Variants in SMIM23 observed in about 807,000 individuals in gnomAD.
The protein encoded by SMIM23 is small integral membrane protein 23.
SMIM23 carries 10 observed loss-of-function variants against 12.8 expected under a neutral mutation model. The observed-to-expected ratio is 0.78, with a 90% CI of 0.48 to 1.32. SMIM23 has a LOEUF of 1.32. Among genes scored for constraint, SMIM23 ranks in the 40% most tolerant of loss-of-function variants. The pLI is 0.00. For synonymous variants in SMIM23, 78 were observed against 80.1 expected (o/e 0.97, Z 0.14); for missense variants, 184 against 198.2 (o/e 0.93, Z 0.43).
the SMIM23 span, among the ~76,000 whole-genome samples, chr5:171,776,907 G>A: frequency 1.3e-5 from 2 of 152,178 alleles, no homozygotes; most frequent in Non-Finnish European, 2.9e-5. Context: ...GTCATGGGCG[G>A]AAGGGCCCAG....
At chr5:171,773,775 G>A in the SMIM23 span, 1 of 456,334 alleles carries the variant, frequency 2.2e-6, no homozygotes, top group Non-Finnish European at 4.4e-6. Flanking sequence ...ATAGGTCATT[G>A]TGGCCAGATC....
upstream of SMIM23, chr5:171,782,655 T>C (rs1755748805): frequency 6.6e-6 from 1 of 152,228 alleles, no homozygotes; most frequent in Non-Finnish European, 1.5e-5. Flanking sequence ...CGGCAAATAT[T>C]TACTGAGCCA....
At chr5:171,781,544 C>CG (rs201233573), upstream of SMIM23, among the ~76,000 whole-genome samples, 10,023 of 152,124 alleles carry the variant, frequency 0.066, 838 homozygotes, top group African/African-American at 0.19. Flanking sequence ...AGTGCCCCCC[C>CG]CCGTCTCTAG....
upstream of SMIM23, among the ~76,000 whole-genome samples, chr5:171,778,288 C>G (rs1268848530): frequency 6.6e-6 from 1 of 150,792 alleles, no homozygotes; most frequent in African/African-American, 2.4e-5. Flanking sequence ...ACCCGGGAGG[C>G]AGAGGTTGAA....
the SMIM23 span, among the ~76,000 whole-genome samples, chr5:171,772,970 C>T: frequency 2.0e-5 from 3 of 152,194 alleles, no homozygotes; most frequent in African/African-American, 4.8e-5. Context: ...TAAACCAATA[C>T]TTGAAATGCC....
chr5:171,778,529 C>T (rs376005808), upstream of SMIM23, among the ~76,000 whole-genome samples: 1 of 149,352 alleles, frequency 6.7e-6, no homozygotes, highest in Non-Finnish European at 1.5e-5. Flanking sequence ...GGCAATGTAA[C>T]CATGGAGGCA....
chr5:171,786,059 C>A, intron 1 of SMIM23, 83 bp downstream of exon 1: 1 of 1,143,804 alleles, frequency 8.7e-7, no homozygotes. Flanking sequence ...TCCCTCAAAG[C>A]CCGGAATGAA....
intron 1 of SMIM23, among the ~76,000 whole-genome samples, chr5:171,789,510 G>A (rs1326010313): frequency 2.0e-5 from 3 of 152,030 alleles, no homozygotes; most frequent in Non-Finnish European, 4.4e-5. Context: ...GCCCCAAACT[G>A]GAAACAAGCC....
At chr5:171,786,350 A>G (rs745310117) in intron 1 of SMIM23, among the ~76,000 whole-genome samples, 2 of 152,200 alleles carry the variant, frequency 1.3e-5, no homozygotes, top group Non-Finnish European at 2.9e-5. Flanking sequence ...CTGAAATTCA[A>G]AACTCATGTG....
At chr5:171,776,135 T>C in the SMIM23 span, among the ~76,000 whole-genome samples, 1 of 152,134 alleles carries the variant, frequency 6.6e-6, no homozygotes, top group Admixed American at 6.5e-5. Context: ...CCTCCCAAAG[T>C]GCTGGGATTA....
At chr5:171,785,416 G>A (rs367727442), upstream of SMIM23, among the ~76,000 whole-genome samples, 1 of 103,484 alleles carries the variant, frequency 9.7e-6, no homozygotes, top group East Asian at 2.5e-4. Flanking sequence ...TTTTTTTTTT[G>A]TAATTTTTTA....
At chr5:171,774,287 C>T in the SMIM23 span, 4 of 394,270 alleles carry the variant, frequency 1.0e-5, no homozygotes, top group Admixed American at 1.1e-4. Context: ...CATGCTTGCT[C>T]CACCTTGACA....
the SMIM23 span, among the ~76,000 whole-genome samples, chr5:171,775,401 G>A: frequency 6.6e-6 from 1 of 151,736 alleles, no homozygotes; most frequent in African/African-American, 2.4e-5. Flanking sequence ...TTGCCCCTCT[G>A]AGGGTAACTC....
the SMIM23 span, among the ~76,000 whole-genome samples, chr5:171,777,386 T>A: frequency 3.3e-5 from 5 of 152,252 alleles, no homozygotes; most frequent in East Asian, 7.7e-4. Context: ...AATCCTGTTT[T>A]TTTTTCCTTT....
In SMIM23 at chr5:171,790,270, C is replaced by G; in HGVS notation, c.146C>G (p.Thr49Arg). 5 of 1,536,074 alleles carry G rather than the reference C, an allele frequency of 3.3e-6. No individual in the cohort carries two copies. Among genetic ancestry groups the G allele is most frequent in the South Asian group, 1.2e-5 (1 of 84,060 alleles). Residue 49 changes from threonine (T) to arginine (R), a missense_variant, in exon 2 of 4, where the codon ACA becomes AGA. Transcript: ENST00000523047. ...CTGATCTTGGTGCTGTACTTGAGCA[C>G]AGAGATATGGGGTGAGCATTCTGGA... ...ALLILVLYLSTEIWGSSWEVS... is the reference protein window; with the variant it reads ...ALLILVLYLSREIWGSSWEVS...
At chr5:171,777,150 G>A in the SMIM23 span, among the ~76,000 whole-genome samples, 3 of 150,906 alleles carry the variant, frequency 2.0e-5, no homozygotes, top group East Asian at 1.9e-4. Context: ...TTCCCTCTCC[G>A]AAGCAGTGAG....
chr5:171,781,699 A>G (rs980206189), upstream of SMIM23, among the ~76,000 whole-genome samples: 1 of 152,238 alleles, frequency 6.6e-6, no homozygotes, highest in Non-Finnish European at 1.5e-5. Flanking sequence ...AAAGGCAAAA[A>G]GGAGTGGAGA....
At chr5:171,772,647 C>A in the SMIM23 span, among the ~76,000 whole-genome samples, 1 of 152,128 alleles carries the variant, frequency 6.6e-6, no homozygotes, top group Non-Finnish European at 1.5e-5. Flanking sequence ...TTGGGTTCAG[C>A]GAGGCAGCGA....
upstream of SMIM23, among the ~76,000 whole-genome samples, chr5:171,781,319 A>G (rs1245708202): frequency 1.3e-5 from 2 of 152,178 alleles, no homozygotes; most frequent in African/African-American, 4.8e-5. Flanking sequence ...TCTGTCTGCC[A>G]CATGTATACT....
Sources: gnomAD v4.1 joint callset for allele counts (sites outside exome capture counted in the v4.1 genomes callset) on GRCh38, gnomAD v4.1.1 for gene constraint, MANE v1.5 for transcripts, NCBI Gene and HGNC (gene_info 2026-07-23, HGNC 2026-07-21) for gene names.